Variants in AHCYL1 observed in about 807,000 individuals in gnomAD.
AHCYL1 encodes S-adenosylhomocysteine hydrolase-like protein 1.
Under a neutral mutation model 79.3 loss-of-function variants are expected in AHCYL1, and 20 were observed. The observed-to-expected ratio is 0.25, with a 90% confidence interval of 0.18 to 0.37. The LOEUF (loss-of-function observed/expected upper bound fraction) is 0.37. Ranked by LOEUF, AHCYL1 falls within the 10% of genes least tolerant of loss-of-function variation. The pLI is 1.00. For missense variants in AHCYL1, 330 were observed against 673.6 expected (o/e 0.49, Z 5.65); for synonymous variants, 223 against 242.2 (o/e 0.92, Z 0.74).
At chr1:110,002,576 C>T (rs1349398380) in intron 1 of AHCYL1, among the ~76,000 whole-genome samples, 1 of 152,184 alleles carries the variant, frequency 6.6e-6, no homozygotes, top group East Asian at 1.9e-4. Context: ...AGTTGCGATT[C>T]TATAACCTTC....
intron 1 of AHCYL1, among the ~76,000 whole-genome samples, chr1:110,001,745 T>C (rs1650324665): frequency 6.6e-6 from 1 of 152,152 alleles, no homozygotes; most frequent in African/African-American, 2.4e-5. Flanking sequence ...CTTCTCTGAG[T>C]GTACCTTTTA....
At chr1:110,009,472 G>A (rs551147086) in intron 2 of AHCYL1, among the ~76,000 whole-genome samples, 82 of 152,278 alleles carry the variant, frequency 5.4e-4, no homozygotes, top group Non-Finnish European at 9.7e-4. Flanking sequence ...GACAGAATTG[G>A]ACTTAAAAAA....
chr1:110,020,325 G>A (rs1018357798), intron 15 of AHCYL1, among the ~76,000 whole-genome samples: 2 of 152,118 alleles, frequency 1.3e-5, no homozygotes, highest in African/African-American at 4.8e-5. Context: ...ATTGACACAG[G>A]GTCTTTCTAG....
chr1:110,018,738 C>G, intron 13 of AHCYL1, 88 bp downstream of exon 13: 1 of 1,193,842 alleles, frequency 8.4e-7, no homozygotes, highest in South Asian at 1.3e-5. Context: ...AATATTAGGC[C>G]TATGTTTCCC....
rs777903311 is a variant in AHCYL1, at chr1:110,011,353, G to A, written c.372G>A (p.Glu124=). ...GACGCCGGGAGATTGAGATTGCAGA[G>A]CAAGGTAAAGAAAGGGAGTGGGTTA... ...EFGRREIEIA[E]QDMSALISLR... Residue 124 remains glutamate (E), a synonymous_variant, in exon 3 of 17, where the codon GAG becomes GAA. Coordinates refer to ENST00000369799, the MANE Select transcript of AHCYL1 (RefSeq NM_006621.7). 1.9e-6 allele frequency: 3 copies of A among 1,613,976 alleles called. No individual in the cohort carries two copies.
Position 109,985,034 on chromosome 1 carries a change from TGGCCGGGCC to T in AHCYL1, c.-11_-3del. 6.5e-7 allele frequency: 1 copy of T among 1,540,824 alleles called. No homozygotes were observed. Among genetic ancestry groups the T allele is most frequent in the Non-Finnish European group, 8.7e-7 (1 of 1,144,844 alleles). On this transcript the variant is annotated 5_prime_UTR_variant, in exon 1 of 17. Transcript: ENST00000369799. ...GAGGCGGGGGCGGCGGGTCAGCCGC[TGGCCGGGCC>T]GGCCGGGGAATGTCGATGCCTGACG...
At chr1:110,010,793 A>T (rs575717448) in intron 2 of AHCYL1, among the ~76,000 whole-genome samples, 1 of 152,218 alleles carries the variant, frequency 6.6e-6, no homozygotes, top group Non-Finnish European at 1.5e-5. Context: ...CAAACCTTCC[A>T]TGTGATCCTG....
intron 1 of AHCYL1, among the ~76,000 whole-genome samples, chr1:109,987,437 T>C (rs1649528084): frequency 6.6e-6 from 1 of 152,224 alleles, no homozygotes; most frequent in Non-Finnish European, 1.5e-5. Flanking sequence ...CTACCCTGGC[T>C]CTAGACCAGT....
At chr1:110,019,796 G>T (rs561089385) in intron 15 of AHCYL1, among the ~76,000 whole-genome samples, 170 bp downstream of exon 15, 1 of 152,276 alleles carries the variant, frequency 6.6e-6, no homozygotes, top group South Asian at 2.1e-4. Flanking sequence ...TTCTTGATTG[G>T]TAAAATGAAA....
chr1:110,015,687 A>G (rs1570888167), intron 7 of AHCYL1, among the ~76,000 whole-genome samples, 156 bp downstream of exon 7: 1 of 152,278 alleles, frequency 6.6e-6, no homozygotes, highest in Admixed American at 6.5e-5. Flanking sequence ...AATCAAGTTG[A>G]TCCTAGAAGG....
chr1:110,015,416 G>A lies in AHCYL1; in HGVS notation c.676-9G>A. On this transcript the variant is annotated splice_polypyrimidine_tract_variant and intron_variant, in intron 6 of 16. Transcript: ENST00000369799. Reference sequence around the variant, plus strand: ...GAATGCCCATAGAAGTCTTCTGGCTGTTCTATAGATCCTGGATGATGGGGG... The same window carrying A: ...GAATGCCCATAGAAGTCTTCTGGCTATTCTATAGATCCTGGATGATGGGGG... The A allele has an allele frequency of 3.1e-6, 5 of 1,611,596 alleles. No homozygotes were observed. Among genetic ancestry groups the A allele is most frequent in the Non-Finnish European group, 4.2e-6 (5 of 1,177,712 alleles).
rs969403604 is a variant in AHCYL1 at position 109,984,879 on chromosome 1, C to G, written c.-174C>G. On this transcript the variant is annotated 5_prime_UTR_variant, in exon 1 of 17. Transcript: ENST00000369799. The stretch of plus-strand genomic sequence containing the variant: ...TCGCTGTCCGGCTGCCTTGGGCTGC[C>G]GAACAGACAAGGCGTGGGCCACAGC... The G allele has an allele frequency of 1.4e-5, 15 of 1,092,436 alleles. No homozygotes were observed. Among genetic ancestry groups the G allele is most frequent in the Admixed American group, 4.4e-5 (1 of 22,504 alleles). 67.7% of individuals were successfully genotyped at this position (1,092,436 alleles called of 1,614,324 possible). A position where few individuals can be genotyped will look rare whatever the true frequency, so the allele number is the denominator to read the frequency against.
intron 1 of AHCYL1, among the ~76,000 whole-genome samples, chr1:109,988,269 G>A (rs1003513767): frequency 3.9e-5 from 6 of 152,214 alleles, no homozygotes; most frequent in Non-Finnish European, 7.3e-5. Flanking sequence ...CTTAATAGCT[G>A]TAGTGTAATT....
At chr1:109,990,330 T>C (rs763057458) in intron 1 of AHCYL1, among the ~76,000 whole-genome samples, 17 of 152,140 alleles carry the variant, frequency 1.1e-4, no homozygotes, top group Non-Finnish European at 1.8e-4. Context: ...TAAATAGTAA[T>C]TAGTGGGGTT....
Position 109,985,019 on chromosome 1 carries a change from C to A in AHCYL1, c.-34C>A. On this transcript the variant is annotated 5_prime_UTR_variant, in exon 1 of 17. Transcript: ENST00000369799. Reference sequence around the variant, plus strand: ...CGCCAGAGGGGGAAAGAGGCGGGGGCGGCGGGTCAGCCGCTGGCCGGGCCG... The same window carrying A: ...CGCCAGAGGGGGAAAGAGGCGGGGGAGGCGGGTCAGCCGCTGGCCGGGCCG... The A allele has an allele frequency of 6.7e-7, 1 of 1,494,460 alleles. No homozygotes were observed. The highest frequency in any genetic ancestry group is 8.9e-7 in the Non-Finnish European group (1 of 1,120,376). The allele number at this position is 1,494,460 out of a possible 1,614,324, so 92.6% of individuals were successfully genotyped here. A position where few individuals can be genotyped will look rare whatever the true frequency, so the allele number is the denominator to read the frequency against.
chr1:109,990,292 A>G (rs1238504224), intron 1 of AHCYL1, among the ~76,000 whole-genome samples: 3 of 152,174 alleles, frequency 2.0e-5, no homozygotes, highest in Non-Finnish European at 2.9e-5. Flanking sequence ...TGCTATCTAT[A>G]TACATGGTTG....
rs149122070 is a variant in AHCYL1 at position 110,003,563 on chromosome 1, G to A, written c.121-5471G>A. Among the ~76,000 whole-genome samples, 123 of 152,136 alleles carry A rather than the reference G, an allele frequency of 8.1e-4. 1 individual carries two copies. The Middle Eastern group carries it at 0.01, about 13-fold the overall frequency. On this transcript the variant is annotated intron_variant, in intron 1 of 16. Coordinates refer to ENST00000369799, the MANE Select transcript of AHCYL1 (RefSeq NM_006621.7). ...ATGTTGTCACTAAAGTAGTGGGTAT[G>A]TTCCAGGAACCAGGATTTCTTCAGT...
intron 1 of AHCYL1, among the ~76,000 whole-genome samples, chr1:110,007,243 G>C (rs7514825): frequency 6.6e-6 from 1 of 152,116 alleles, no homozygotes; most frequent in East Asian, 1.9e-4. Context: ...AGGAATCATA[G>C]CAGAGGGGAG....
At chr1:110,016,503 T>G in intron 8 of AHCYL1, 43 bp downstream of exon 8, 1 of 1,582,352 alleles carries the variant, frequency 6.3e-7, no homozygotes, top group Non-Finnish European at 8.6e-7. Flanking sequence ...GGGGCTCTGG[T>G]CTTCCTTTGG....
Sources: gnomAD v4.1 joint callset for allele counts (sites outside exome capture counted in the v4.1 genomes callset) on GRCh38, gnomAD v4.1.1 for gene constraint, MANE v1.5 for transcripts, NCBI Gene and HGNC (gene_info 2026-07-23, HGNC 2026-07-21) for gene names.